Variants in HECW1 observed in about 807,000 individuals in gnomAD.
HECW1 encodes HECT, C2 and WW domain containing E3 ubiquitin protein ligase 1, also known as E3 ubiquitin-protein ligase HECW1.
Under a neutral mutation model 182.3 loss-of-function variants are expected in HECW1, and 61 were observed. The ratio of observed to expected loss-of-function variants is 0.33; its 90% confidence interval spans 0.27 to 0.41. The LOEUF (loss-of-function observed/expected upper bound fraction) is 0.41. Among genes scored for constraint, HECW1 ranks in the 10% least tolerant of loss-of-function variants. The pLI is 1.00. For missense variants in HECW1, 1,739 were observed against 2,108.9 expected, an observed-to-expected ratio of 0.82 and a Z score of 3.44; for synonymous variants, 859 against 832.6, an observed-to-expected ratio of 1.03 and a Z score of -0.55.
At chr7:43,307,217 C>G (rs574163322) in intron 3 of HECW1, among the ~76,000 whole-genome samples, 27 of 151,974 alleles carry the variant, frequency 1.8e-4, no homozygotes, top group Non-Finnish European at 2.8e-4. Context: ...TGACATAGCC[C>G]GTAACTAGGG....
intron 2 of HECW1, among the ~76,000 whole-genome samples, chr7:43,202,978 C>G (rs1393343530): frequency 6.6e-6 from 1 of 152,036 alleles, no homozygotes; most frequent in Non-Finnish European, 1.5e-5. Context: ...AACAGCCCCA[C>G]CCCTATCTCC....
intron 13 of HECW1, among the ~76,000 whole-genome samples, chr7:43,460,450 G>A (rs1158757055): frequency 1.3e-5 from 2 of 152,126 alleles, no homozygotes; most frequent in African/African-American, 2.4e-5. Context: ...TTTTAAAGGG[G>A]GGAGGTTGTG....
Position 43,456,285 on chromosome 7 carries a change from A to ATTTT in HECW1, c.2501-10_2501-9insTTTT. 1 of 1,557,590 alleles carries ATTTT rather than the reference A, an allele frequency of 6.4e-7. No homozygotes were observed. The highest frequency in any genetic ancestry group is 1.4e-5 in the African/African-American group (1 of 71,712). On this transcript the variant is annotated splice_polypyrimidine_tract_variant and intron_variant, in intron 12 of 29. Coordinates refer to ENST00000395891, the MANE Select transcript of HECW1 (RefSeq NM_015052.5). ...CCTTGATTTTTCTTTTTGCCTTTTT[A>ATTTT]TTAAACACTAGACTGGGAAGCTCGA... is the stretch of plus-strand genomic sequence containing the variant.
chr7:43,295,822 T>C (rs2152758991), intron 3 of HECW1, among the ~76,000 whole-genome samples: 1 of 152,362 alleles, frequency 6.6e-6, no homozygotes, highest in South Asian at 2.1e-4. Flanking sequence ...TTTATACTCA[T>C]ACCAGATAAA....
chr7:43,463,610 C>A, intron 13 of HECW1, 50 bp from the exon 14 acceptor site: 1 of 1,578,392 alleles, frequency 6.3e-7, no homozygotes. Flanking sequence ...TTTTGGCCCC[C>A]AAGGAGCAAA....
chr7:43,390,537 T>TAAAAAAAA lies in HECW1; in HGVS notation c.556-6273_556-6266dup, dbSNP rs773044688. Among the ~76,000 whole-genome samples, 154 of 111,180 alleles carry TAAAAAAAA rather than the reference T, an allele frequency of 1.4e-3. 2 individuals are homozygous for TAAAAAAAA. Among genetic ancestry groups the TAAAAAAAA allele is most frequent in the African/African-American group, 3.9e-3 (116 of 29,618 alleles). 72.9% of individuals were successfully genotyped at this position (111,180 alleles called of 152,430 possible). A position where few individuals can be genotyped will look rare whatever the true frequency, so the allele number is the denominator to read the frequency against. ...CCTGGGTGGCACAGCAAGCAACTCT[T>TAAAAAAAA]AAAAAAAAAAACAAAAAAAAAACAG... is the stretch of plus-strand genomic sequence containing the variant. On this transcript the variant is annotated intron_variant, in intron 6 of 29. Transcript: ENST00000395891.
intron 22 of HECW1, among the ~76,000 whole-genome samples, chr7:43,507,773 T>C (rs1276193172): frequency 1.3e-5 from 2 of 152,224 alleles, no homozygotes; most frequent in Non-Finnish European, 2.9e-5. Flanking sequence ...AAATGAATTA[T>C]CTTAAAAGTA....
At chr7:43,483,124 T>G (rs1585044682) in intron 17 of HECW1, among the ~76,000 whole-genome samples, 2 of 152,102 alleles carry the variant, frequency 1.3e-5, no homozygotes, top group South Asian at 2.1e-4. Flanking sequence ...TCAGAAAACT[T>G]TAGTGCTGCA....
chr7:43,344,707 C>T (rs1247481550), intron 5 of HECW1, among the ~76,000 whole-genome samples: 2 of 151,952 alleles, frequency 1.3e-5, no homozygotes, highest in East Asian at 1.9e-4. Flanking sequence ...ATTTTCCATC[C>T]TTTTCCTCTG....
At chr7:43,151,754 T>C (rs1016241464) in intron 2 of HECW1, among the ~76,000 whole-genome samples, 3 of 152,128 alleles carry the variant, frequency 2.0e-5, no homozygotes, top group Non-Finnish European at 4.4e-5. Flanking sequence ...ACTGAGAGGA[T>C]AGATTTAGTG....
At position 43,116,066 on chromosome 7, in the gene HECW1, A is replaced by G. The variant is rs570288043; in HGVS notation, c.-32+1675A>G. Among the ~76,000 whole-genome samples the G allele has an allele frequency of 2.2e-4, 33 of 152,298 alleles. No homozygotes were observed. The East Asian group carries it at 5.6e-3, about 26-fold the overall frequency. On this transcript the variant is annotated intron_variant, in intron 2 of 29. Transcript: ENST00000395891. ...TTGTATAGGCAGGAGGTAGGTAGGAATCCTTCACTTTGTGAGTCAGCTGGG... is the reference window on the plus strand; with the variant it reads ...TTGTATAGGCAGGAGGTAGGTAGGAGTCCTTCACTTTGTGAGTCAGCTGGG...
intron 12 of HECW1, among the ~76,000 whole-genome samples, chr7:43,454,330 G>T (rs1047080797): frequency 6.6e-6 from 1 of 152,106 alleles, no homozygotes; most frequent in Non-Finnish European, 1.5e-5. Context: ...TTTTTTGTTG[G>T]ATGACAGTCA....
chr7:43,461,604 A>G (rs1044447436), intron 13 of HECW1, among the ~76,000 whole-genome samples: 2 of 152,184 alleles, frequency 1.3e-5, no homozygotes, highest in African/African-American at 4.8e-5. Flanking sequence ...TGCCATGGCT[A>G]CATTCCCTGA....
intron 3 of HECW1, among the ~76,000 whole-genome samples, chr7:43,302,968 C>G (rs1807049126): frequency 6.6e-6 from 1 of 152,156 alleles, no homozygotes; most frequent in African/African-American, 2.4e-5. Context: ...CACACACACA[C>G]AGGAATACCA....
At chr7:43,256,767 TA>T (rs1447192541) in intron 3 of HECW1, among the ~76,000 whole-genome samples, 2 of 152,062 alleles carry the variant, frequency 1.3e-5, no homozygotes, top group Non-Finnish European at 2.9e-5. Flanking sequence ...CTAAAAGCAA[TA>T]TTTCCTAGAA....
intron 8 of HECW1, among the ~76,000 whole-genome samples, chr7:43,436,255 A>G (rs982494019): frequency 6.6e-6 from 1 of 151,438 alleles, no homozygotes; most frequent in African/African-American, 2.4e-5. Flanking sequence ...ACAGCCCTTG[A>G]TTAAGGGGAC....
chr7:43,353,912 T>G (rs1814772127), intron 5 of HECW1, among the ~76,000 whole-genome samples: 1 of 151,480 alleles, frequency 6.6e-6, no homozygotes, highest in South Asian at 2.1e-4. Context: ...TAAATCAGAG[T>G]GAGTGTTCAG....
At chr7:43,426,136 C>T (rs2076357461) in intron 8 of HECW1, among the ~76,000 whole-genome samples, 1 of 152,102 alleles carries the variant, frequency 6.6e-6, no homozygotes, top group Non-Finnish European at 1.5e-5. Flanking sequence ...TCATGGGGCA[C>T]TTAATGACCT....
Position 43,528,786 on chromosome 7 carries a change from C to T in HECW1, c.4020-12377C>T, listed in dbSNP as rs1014108358. On this transcript the variant is annotated intron_variant, in intron 24 of 29. Transcript: ENST00000395891. ...TCATTTCAGTTGCTAATTAGCAATC[C>T]GAAGATAATATCCTGTCATTATCCT... is the stretch of plus-strand genomic sequence containing the variant. 3.3e-5 allele frequency among the ~76,000 whole-genome samples: 5 copies of T among 152,212 alleles called. No homozygotes were observed. The East Asian group carries it at 7.7e-4, about 24-fold the overall frequency.
Sources: allele counts gnomAD v4.1 joint callset (sites outside exome capture counted in the v4.1 genomes callset), GRCh38; gene constraint gnomAD v4.1.1; transcripts MANE v1.5; gene names NCBI Gene and HGNC (gene_info 2026-07-23, HGNC 2026-07-21).